TCF20: variants seen among roughly 807,000 people sequenced by gnomAD.
The protein encoded by TCF20 is SPRE-binding protein.
In TCF20, 3 loss-of-function variants were observed where a neutral mutation model predicts 148.6. That is an observed-to-expected ratio of 0.02 (90% CI 0.01 to 0.05). TCF20 has a LOEUF of 0.05. Ranked by LOEUF, TCF20 falls within the 10% of genes least tolerant of loss-of-function variation. The probability of loss-of-function intolerance (pLI) is 1.00; values close to 1 mark genes in which losing one functional copy is unlikely to be tolerated. For synonymous variants in TCF20, 1,049 were observed against 909.5 expected (o/e 1.15, Z -2.76); for missense variants, 2,350 against 2,429.3 (o/e 0.97, Z 0.69).
intron 5 of TCF20, among the ~76,000 whole-genome samples, chr22:42,167,670 G>A (rs533219505): frequency 1.2e-4 from 19 of 152,104 alleles, no homozygotes; most frequent in Non-Finnish European, 2.6e-4. Flanking sequence ...CAAGAGGGCC[G>A]TGACCACAAT....
At position 42,186,281 on chromosome 22, in the gene TCF20, A is replaced by T. The variant is rs145943052; in HGVS notation, c.5656-6579T>A. 3.3e-5 allele frequency among the ~76,000 whole-genome samples: 5 copies of T among 152,360 alleles called. No homozygotes were observed. The East Asian group carries it at 9.6e-4, about 29-fold the overall frequency. ...GGTGTCAGCACACGTGTGAAAGCCA[A>T]AAGTCACCAGGTCAATTTTATCATC... On this transcript the variant is annotated intron_variant, in intron 2 of 5. Transcript: ENST00000677622.
intron 2 of TCF20, among the ~76,000 whole-genome samples, chr22:42,183,507 T>C (rs1936882755): frequency 1.3e-5 from 2 of 152,166 alleles, no homozygotes; most frequent in Non-Finnish European, 2.9e-5. Flanking sequence ...GCTGCTGGCC[T>C]GGAAGATGGG....
chr22:42,304,243 C>T (rs528299882), intron 1 of TCF20, among the ~76,000 whole-genome samples: 3 of 152,200 alleles, frequency 2.0e-5, no homozygotes, highest in Admixed American at 1.3e-4. Flanking sequence ...CTTAGCTGCC[C>T]GTTCCACGGA....
intron 1 of TCF20, among the ~76,000 whole-genome samples, chr22:42,325,014 C>A (rs181203171): frequency 6.6e-6 from 1 of 152,236 alleles, no homozygotes; most frequent in African/African-American, 2.4e-5. Flanking sequence ...AGTGCAGACC[C>A]GGATGCTCCC....
chr22:42,163,203 G>A (rs1391320302), intron 5 of TCF20, among the ~76,000 whole-genome samples: 4 of 152,198 alleles, frequency 2.6e-5, no homozygotes. Flanking sequence ...CAGCTCCCCA[G>A]TGAAGAATGA....
chr22:42,177,895 T>C (rs954313769), intron 3 of TCF20, among the ~76,000 whole-genome samples: 1 of 152,066 alleles, frequency 6.6e-6, no homozygotes, highest in Non-Finnish European at 1.5e-5. Flanking sequence ...GGAGCACTTT[T>C]TGTTCTAAGG....
chr22:42,294,093 AG>A (rs1927182263), intron 1 of TCF20, among the ~76,000 whole-genome samples: 1 of 152,192 alleles, frequency 6.6e-6, no homozygotes, highest in Non-Finnish European at 1.5e-5. Context: ...GACAGGAGCC[AG>A]GAAGAGCCTG....
chr22:42,324,013 ATGG>A lies in TCF20; in HGVS notation c.-37+19463_-37+19465del, dbSNP rs201809460. 1.5e-3 allele frequency among the ~76,000 whole-genome samples: 2 copies of A among 1,314 alleles called. 1 individual carries two copies. The highest frequency in any genetic ancestry group is 0.17 in the East Asian group (2 of 12). 0.9% of individuals were successfully genotyped at this position (1,314 alleles called of 152,430 possible). A position where few individuals can be genotyped will look rare whatever the true frequency, so the allele number is the denominator to read the frequency against. On this transcript the variant is annotated intron_variant, in intron 1 of 1. Coordinates refer to the TCF20 transcript ENST00000515426. Reference sequence around the variant, plus strand: ...GGTGGTGGAGGTGGTGGCGGAGGTTATGGTGGTGGTGGTGGTGATGGAGGTTAT... The same window carrying A: ...GGTGGTGGAGGTGGTGGCGGAGGTTATGGTGGTGGTGGTGATGGAGGTTAT...
chr22:42,252,578 G>T (rs1925467364), intron 1 of TCF20, among the ~76,000 whole-genome samples: 1 of 152,064 alleles, frequency 6.6e-6, no homozygotes, highest in Non-Finnish European at 1.5e-5. Context: ...AGCCTCCCAA[G>T]TAGCTGGGAT....
chr22:42,310,039 C>G (rs1927505083), intron 1 of TCF20, among the ~76,000 whole-genome samples: 1 of 152,202 alleles, frequency 6.6e-6, no homozygotes, highest in African/African-American at 2.4e-5. Flanking sequence ...CAGCCAACTG[C>G]CCGGAGCGGC....
intron 1 of TCF20, among the ~76,000 whole-genome samples, chr22:42,282,799 C>T (rs1296052067): frequency 5.3e-5 from 8 of 152,134 alleles, no homozygotes; most frequent in African/African-American, 9.7e-5. Flanking sequence ...AGGAGGGGGC[C>T]GGCTCCTCCT....
In TCF20 at chr22:42,186,513, TAAGAC is replaced by T. The variant is rs1287724140; in HGVS notation, c.5656-6816_5656-6812del. Among the ~76,000 whole-genome samples, 3 of 151,962 alleles carry T rather than the reference TAAGAC, an allele frequency of 2.0e-5. No homozygotes were observed. In the East Asian group the frequency reaches 5.8e-4, roughly 29 times the overall value. On this transcript the variant is annotated intron_variant, in intron 2 of 5. Transcript: ENST00000677622. ...TAATACAAAGTACAGTCTATTAAATTAAGACAAACAGTTTAAAGTTAATTTTTTGT... is the reference window on the plus strand; with the variant it reads ...TAATACAAAGTACAGTCTATTAAATTAAACAGTTTAAAGTTAATTTTTTGT...
chr22:42,271,005 T>C (rs542779773), upstream of TCF20, among the ~76,000 whole-genome samples: 1 of 152,090 alleles, frequency 6.6e-6, no homozygotes, highest in South Asian at 2.1e-4. Flanking sequence ...CTCTGGGATT[T>C]CTGGAGTTCC....
rs1485134112 is a variant in TCF20, at chr22:42,289,889, C to A, written c.-37+53590G>T. On this transcript the variant is annotated intron_variant, in intron 1 of 1. Transcript: ENST00000515426. ...CCATTCCAAACATGCCAGAGCCCTG[C>A]GGACCCCGGAGGCTGCTACTTAGCG... 2.0e-5 allele frequency among the ~76,000 whole-genome samples: 3 copies of A among 152,214 alleles called. No individual in the cohort carries two copies. The South Asian group carries it at 6.2e-4, about 32-fold the overall frequency.
intron 1 of TCF20, among the ~76,000 whole-genome samples, chr22:42,283,759 G>A (rs1235017107): frequency 1.3e-5 from 2 of 151,700 alleles, no homozygotes; most frequent in African/African-American, 2.4e-5. Context: ...CGGAGCACCC[G>A]GCGGGCACGC....
chr22:42,232,242 G>T (rs1302482082), intron 1 of TCF20, among the ~76,000 whole-genome samples: 2 of 152,064 alleles, frequency 1.3e-5, no homozygotes, highest in East Asian at 3.9e-4. Context: ...TGTATCCTAG[G>T]AGCAATAGGC....
At chr22:42,300,846 C>A (rs1927324058) in intron 1 of TCF20, among the ~76,000 whole-genome samples, 1 of 152,196 alleles carries the variant, frequency 6.6e-6, no homozygotes. Context: ...CTGCCAAGAC[C>A]TGGGCAGCTT....
chr22:42,213,580 C>T lies in TCF20; in HGVS notation c.1726G>A (p.Ala576Thr), dbSNP rs765913677. ...GGTGAGGTGGCCTCTTCTCTTGCGG[C>T]AGGACTAGCATTGAGTCTGGGGGGT... Reference protein sequence around the residue: ...NEPPRLNASPAAREEATSPGA... With the variant: ...NEPPRLNASPTAREEATSPGA... Residue 576 changes from alanine (A) to threonine (T), a missense_variant, in exon 2 of 6, where the codon GCC becomes ACC. Around this residue, in one of 7 missense-constraint regions of TCF20, gnomAD observed 1,641 missense variants for 1,662.6 expected, o/e 0.99. Transcript: ENST00000677622. 19 of 1,614,158 alleles carry T rather than the reference C, an allele frequency of 1.2e-5. No individual in the cohort carries two copies. The highest frequency in any genetic ancestry group is 1.6e-5 in the Non-Finnish European group (19 of 1,180,050).
intron 3 of TCF20, among the ~76,000 whole-genome samples, chr22:42,170,755 C>A (rs2147061997): frequency 6.6e-6 from 1 of 151,634 alleles, no homozygotes; most frequent in East Asian, 1.9e-4. Flanking sequence ...ACGATATCAC[C>A]AATAAATGCT....
Sources: gnomAD v4.1 joint callset for allele counts (sites outside exome capture counted in the v4.1 genomes callset) on GRCh38, gnomAD v4.1.1 for gene constraint, gnomAD v4.1.1 regional missense constraint, MANE v1.5 for transcripts, NCBI Gene and HGNC (gene_info 2026-07-23, HGNC 2026-07-21) for gene names.